ANKS1B: variants seen among roughly 807,000 people sequenced by gnomAD.
The protein encoded by ANKS1B is ankyrin repeat and sterile alpha motif domain containing 1B.
A neutral mutation model predicts 148.3 loss-of-function variants in ANKS1B; 36 were observed. The observed-to-expected ratio is 0.24, with a 90% CI of 0.19 to 0.32. The LOEUF (loss-of-function observed/expected upper bound fraction) is 0.32, where lower values mean the gene tolerates loss of function less well. Among genes scored for constraint, ANKS1B ranks in the 10% least tolerant of loss-of-function variants. ANKS1B has a pLI of 1.00. For synonymous variants in ANKS1B, 542 were observed against 560.8 expected (o/e 0.97, Z 0.47); for missense variants, 1,157 against 1,542.6 (o/e 0.75, Z 4.19).
intron 8 of ANKS1B, among the ~76,000 whole-genome samples, chr12:99,701,964 A>C (rs1330196939): frequency 6.6e-6 from 1 of 152,150 alleles, no homozygotes; most frequent in Admixed American, 6.5e-5. Flanking sequence ...GGTTGCTTCC[A>C]AATCTTGGCT....
chr12:99,649,156 C>T lies in ANKS1B; in HGVS notation c.1272+5911G>A, dbSNP rs2098401597. 3 of 738,520 alleles carry T rather than the reference C, an allele frequency of 4.1e-6. No individual in the cohort carries two copies. The Admixed American group carries it at 6.6e-5, about 16-fold the overall frequency. The allele number at this position is 738,520 out of a possible 1,614,324, so 45.7% of individuals were successfully genotyped here. On this transcript the variant is annotated intron_variant, in intron 9 of 26. Transcript: ENST00000683438. ...GTAGGACGTGTCTCCCTGCAATTGC[C>T]ACTTATATACATTGGTGGCAACACA...
chr12:99,040,722 T>A (rs1240661631), intron 17 of ANKS1B, among the ~76,000 whole-genome samples: 3 of 152,212 alleles, frequency 2.0e-5, no homozygotes. Context: ...ATGACATATA[T>A]GTCAGACTTA....
At chr12:98,750,416 T>C (rs2098049617) in intron 26 of ANKS1B, among the ~76,000 whole-genome samples, 1 of 151,908 alleles carries the variant, frequency 6.6e-6, no homozygotes, top group Non-Finnish European at 1.5e-5. Context: ...GTGACAGGGG[T>C]AGGCCCCCAA....
intron 11 of ANKS1B, among the ~76,000 whole-genome samples, chr12:99,402,423 T>G (rs2094429759): frequency 6.9e-6 from 1 of 145,744 alleles, no homozygotes; most frequent in South Asian, 2.1e-4. Context: ...GCCCAGGTAT[T>G]AAGCCTAGTA....
intron 17 of ANKS1B, among the ~76,000 whole-genome samples, chr12:98,853,916 A>T (rs563306128): frequency 6.6e-6 from 1 of 152,308 alleles, no homozygotes; most frequent in South Asian, 2.1e-4. Flanking sequence ...AGGAAAGCAG[A>T]AGGCCCCCTC....
intron 4 of ANKS1B, among the ~76,000 whole-genome samples, chr12:99,799,644 G>T (rs539944561): frequency 1.3e-5 from 2 of 152,000 alleles, no homozygotes; most frequent in Non-Finnish European, 2.9e-5. Flanking sequence ...TGAAAGAAAG[G>T]GAGTTGCTTG....
At chr12:99,465,248 A>G (rs1333903989) in intron 10 of ANKS1B, among the ~76,000 whole-genome samples, 2 of 152,172 alleles carry the variant, frequency 1.3e-5, no homozygotes, top group Admixed American at 6.5e-5. Flanking sequence ...ATGCTGAGAG[A>G]TTTTGTCACC....
chr12:99,939,379 C>G (rs997904955), intron 1 of ANKS1B, among the ~76,000 whole-genome samples: 4 of 152,036 alleles, frequency 2.6e-5, no homozygotes, highest in African/African-American at 9.7e-5. Context: ...TGTGAGCCAC[C>G]ATGCCCAGCT....
chr12:99,569,244 G>A (rs964235464), intron 9 of ANKS1B, among the ~76,000 whole-genome samples: 1 of 152,304 alleles, frequency 6.6e-6, no homozygotes, highest in African/African-American at 2.4e-5. Context: ...GTGCTGTCTG[G>A]AGGCTATAAT....
intron 17 of ANKS1B, among the ~76,000 whole-genome samples, chr12:98,966,398 A>G (rs1249153600): frequency 1.3e-5 from 2 of 152,198 alleles, no homozygotes; most frequent in Non-Finnish European, 2.9e-5. Context: ...ATCAGGAAAC[A>G]ACAGGTGCCG....
intron 8 of ANKS1B, among the ~76,000 whole-genome samples, chr12:99,708,215 A>G (rs535768868): frequency 1.3e-5 from 2 of 152,296 alleles, no homozygotes; most frequent in South Asian, 4.1e-4. Flanking sequence ...GGGGTTGGAA[A>G]TGACAGAATA....
At chr12:99,248,448 A>T (rs1317258290) in intron 12 of ANKS1B, among the ~76,000 whole-genome samples, 1 of 152,190 alleles carries the variant, frequency 6.6e-6, no homozygotes, top group Non-Finnish European at 1.5e-5. Flanking sequence ...GAATCTACAA[A>T]TGCAACAATC....
chr12:99,971,144 T>C (rs2095552883), intron 1 of ANKS1B, among the ~76,000 whole-genome samples: 1 of 152,166 alleles, frequency 6.6e-6, no homozygotes, highest in Non-Finnish European at 1.5e-5. Context: ...TATATACATA[T>C]ATATATACAC....
chr12:99,820,626 T>C (rs1307882481), intron 2 of ANKS1B, among the ~76,000 whole-genome samples: 1 of 151,988 alleles, frequency 6.6e-6, no homozygotes, highest in African/African-American at 2.4e-5. Flanking sequence ...TAAGTGAGAA[T>C]GCAAATAAAA....
chr12:99,420,268 A>T (rs1351203129), intron 11 of ANKS1B, among the ~76,000 whole-genome samples: 1 of 152,218 alleles, frequency 6.6e-6, no homozygotes, highest in Non-Finnish European at 1.5e-5. Flanking sequence ...TAGCTTAATG[A>T]TAGTTTAAAA....
chr12:99,052,619 T>C (rs2099966884), intron 17 of ANKS1B, among the ~76,000 whole-genome samples: 2 of 145,938 alleles, frequency 1.4e-5, no homozygotes, highest in South Asian at 4.7e-4. Flanking sequence ...TCCCAGCTAC[T>C]CGGGAGGCTG....
intron 10 of ANKS1B, among the ~76,000 whole-genome samples, chr12:99,451,975 G>GT (rs770715365): frequency 2.0e-5 from 3 of 152,064 alleles, no homozygotes; most frequent in Non-Finnish European, 4.4e-5. Flanking sequence ...GCATCACTAA[G>GT]TAATCATCAA....
chr12:99,722,334 A>G lies in ANKS1B; in HGVS notation c.1128+50588T>C, dbSNP rs150031720. On this transcript the variant is annotated intron_variant, in intron 8 of 26. Coordinates refer to ENST00000683438, the MANE Select transcript of ANKS1B (RefSeq NM_001352186.2). ...CTTCAAAGCTTCAAAGAACAGGCTC[A>G]CTGTTTTGTTAGGTTGTAATGCAGC... 7.3e-3 allele frequency among the ~76,000 whole-genome samples: 1,109 copies of G among 152,344 alleles called. 4 individuals are homozygous for G. Among genetic ancestry groups the G allele is most frequent in the Non-Finnish European group, 0.011 (770 of 68,030 alleles).
chr12:98,836,993 A>G (rs1278542963), intron 17 of ANKS1B, among the ~76,000 whole-genome samples: 3 of 152,180 alleles, frequency 2.0e-5, no homozygotes, highest in African/African-American at 4.8e-5. Context: ...TATTATACAC[A>G]TAAGCATAAG....
Sources: allele counts gnomAD v4.1 joint callset (sites outside exome capture counted in the v4.1 genomes callset), GRCh38; gene constraint gnomAD v4.1.1; transcripts MANE v1.5; gene names NCBI Gene and HGNC (gene_info 2026-07-23, HGNC 2026-07-21).